The following GPC6 variants were observed in gnomAD, a reference collection of about 807,000 sequenced individuals.
GPC6 encodes the protein glypican 6.
In GPC6, 14 loss-of-function variants were observed where a neutral mutation model predicts 55.2. The ratio of observed to expected loss-of-function variants is 0.25; its 90% confidence interval spans 0.17 to 0.40. GPC6 has a LOEUF of 0.40. GPC6 is among the 10% of genes least tolerant of loss of function. The pLI is 1.00. For missense variants in GPC6, 641 were observed against 708.5 expected, an observed-to-expected ratio of 0.90 and a Z score of 1.08; for synonymous variants, 278 against 259.6, an observed-to-expected ratio of 1.07 and a Z score of -0.68.
intron 2 of GPC6, among the ~76,000 whole-genome samples, chr13:93,561,160 T>C (rs1045594346): frequency 6.6e-6 from 1 of 152,068 alleles, no homozygotes; most frequent in Non-Finnish European, 1.5e-5. Flanking sequence ...AACATCTGCA[T>C]GTGGAGTAAA....
chr13:94,194,881 G>C (rs1379627684), intron 4 of GPC6, among the ~76,000 whole-genome samples: 1 of 151,792 alleles, frequency 6.6e-6, no homozygotes, highest in South Asian at 2.2e-4. Flanking sequence ...GTGTTTGTGT[G>C]TGTGTATCTG....
chr13:93,337,542 A>G (rs1206001308), intron 1 of GPC6, among the ~76,000 whole-genome samples: 1 of 152,196 alleles, frequency 6.6e-6, no homozygotes, highest in South Asian at 2.1e-4. Context: ...GAGATATTCA[A>G]TAATTTGTCT....
chr13:93,403,687 T>G (rs1215350735), intron 1 of GPC6, among the ~76,000 whole-genome samples: 1 of 152,200 alleles, frequency 6.6e-6, no homozygotes, highest in Non-Finnish European at 1.5e-5. Context: ...AATACAGTTC[T>G]TGGTTTTCTA....
chr13:93,765,783 C>T (rs1885113818), intron 2 of GPC6, among the ~76,000 whole-genome samples: 1 of 152,170 alleles, frequency 6.6e-6, no homozygotes, highest in African/African-American at 2.4e-5. Flanking sequence ...TGCTATTATT[C>T]CTGTTAAGAG....
chr13:94,154,116 G>A (rs1207367356), intron 4 of GPC6: 2 of 151,974 alleles, frequency 1.3e-5, no homozygotes, highest in Non-Finnish European at 2.9e-5. Context: ...CTTAGTTCAG[G>A]TATAATATTT....
intron 3 of GPC6, among the ~76,000 whole-genome samples, chr13:93,879,399 A>T (rs1417292130): frequency 1.3e-5 from 2 of 152,144 alleles, no homozygotes; most frequent in Non-Finnish European, 2.9e-5. Context: ...GAGCCCTCAG[A>T]AATAATGCCC....
intron 3 of GPC6, among the ~76,000 whole-genome samples, chr13:93,899,078 A>C (rs956556022): frequency 6.6e-6 from 1 of 151,424 alleles, no homozygotes; most frequent in Non-Finnish European, 1.5e-5. Flanking sequence ...AATGTGCTTT[A>C]ATGACTTATG....
chr13:93,941,155 G>A (rs1468460903), intron 3 of GPC6, among the ~76,000 whole-genome samples: 2 of 152,082 alleles, frequency 1.3e-5, no homozygotes, highest in African/African-American at 4.8e-5. Context: ...ATTTAAGACA[G>A]CCTATAGAAA....
At chr13:93,889,329 A>G (rs1192380409) in intron 3 of GPC6, among the ~76,000 whole-genome samples, 1 of 152,116 alleles carries the variant, frequency 6.6e-6, no homozygotes, top group Non-Finnish European at 1.5e-5. Context: ...TTTAATGTAT[A>G]ACCTCTGGCT....
At chr13:93,314,754 T>TGTGTGTGTGCGCGCGC (rs1555290021) in intron 1 of GPC6, among the ~76,000 whole-genome samples, 11 of 149,400 alleles carry the variant, frequency 7.4e-5, no homozygotes, top group African/African-American at 2.2e-4. Context: ...TGTGTGTGTG[T>TGTGTGTGTGCGCGCGC]GTGCACGCAT....
intron 7 of GPC6, among the ~76,000 whole-genome samples, chr13:94,390,759 T>C (rs922424549): frequency 2.6e-5 from 4 of 152,174 alleles, no homozygotes; most frequent in East Asian, 1.9e-4. Context: ...AACTGGCTAC[T>C]GTCAAGCCAG....
chr13:93,837,789 C>T (rs1887795617), intron 3 of GPC6, among the ~76,000 whole-genome samples: 1 of 152,080 alleles, frequency 6.6e-6, no homozygotes, highest in Admixed American at 6.6e-5. Flanking sequence ...GTAAACTTTC[C>T]TTGAACCATG....
chr13:93,784,004 T>G (rs1405936200), intron 2 of GPC6, among the ~76,000 whole-genome samples: 2 of 152,206 alleles, frequency 1.3e-5, no homozygotes, highest in African/African-American at 4.8e-5. Flanking sequence ...TATAAATGTT[T>G]CAGGGTCCTT....
intron 1 of GPC6, among the ~76,000 whole-genome samples, chr13:93,372,408 G>T (rs1005005841): frequency 2.0e-5 from 3 of 152,104 alleles, no homozygotes; most frequent in African/African-American, 7.2e-5. Flanking sequence ...CCAGTGAAAA[G>T]AAATTAATGA....
intron 1 of GPC6, among the ~76,000 whole-genome samples, chr13:93,409,169 T>G (rs1876402492): frequency 6.6e-6 from 1 of 151,494 alleles, no homozygotes; most frequent in Admixed American, 6.6e-5. Flanking sequence ...GTCAGTCCCA[T>G]GCACCCTAGT....
chr13:93,267,461 T>C (rs1197286126), intron 1 of GPC6, among the ~76,000 whole-genome samples: 4 of 152,078 alleles, frequency 2.6e-5, no homozygotes, highest in Non-Finnish European at 4.4e-5. Flanking sequence ...TTCCTCTTTA[T>C]ATATTGGAAG....
intron 4 of GPC6, among the ~76,000 whole-genome samples, chr13:94,164,551 C>T (rs1310668707): frequency 1.3e-5 from 2 of 152,196 alleles, no homozygotes; most frequent in Non-Finnish European, 2.9e-5. Context: ...TAAAGAACCA[C>T]GTGAAAGTCA....
chr13:93,580,568 C>T (rs1335819506), intron 2 of GPC6, among the ~76,000 whole-genome samples: 1 of 152,076 alleles, frequency 6.6e-6, no homozygotes, highest in Non-Finnish European at 1.5e-5. Flanking sequence ...TTATGTGCCA[C>T]GTGCTATGGA....
chr13:94,028,029 C>A, intron 4 of GPC6, 135 bp downstream of exon 4: 2 of 824,554 alleles, frequency 2.4e-6, no homozygotes, highest in Non-Finnish European at 4.1e-6. Flanking sequence ...CTTTGGGAGG[C>A]CAGTACAGAT....
Sources: allele counts gnomAD v4.1 joint callset (sites outside exome capture counted in the v4.1 genomes callset), GRCh38; gene constraint gnomAD v4.1.1; transcripts MANE v1.5; gene names NCBI Gene and HGNC (gene_info 2026-07-23, HGNC 2026-07-21).